SCUBE1: variants seen among roughly 807,000 people sequenced by gnomAD.
SCUBE1 encodes the protein signal peptide, CUB domain and EGF like domain containing 1.
A neutral mutation model predicts 124.4 loss-of-function variants in SCUBE1; 59 were observed. The ratio of observed to expected loss-of-function variants is 0.47; its 90% CI spans 0.38 to 0.59. SCUBE1 has a LOEUF of 0.59. Ranked by LOEUF, SCUBE1 falls within the 20% of genes least tolerant of loss-of-function variation. SCUBE1 has a pLI of 0.00. For synonymous variants in SCUBE1, 545 were observed against 550.9 expected (o/e 0.99, Z 0.15); for missense variants, 1,150 against 1,371.2 (o/e 0.84, Z 2.55).
intron 2 of SCUBE1, among the ~76,000 whole-genome samples, chr22:43,328,364 C>T (rs58017793): frequency 0.053 from 8,048 of 152,196 alleles, 698 homozygotes; most frequent in African/African-American, 0.18. Context: ...ATTCCACCCT[C>T]CTGCCAATTA....
intron 4 of SCUBE1, among the ~76,000 whole-genome samples, chr22:43,289,878 A>T (rs1423940460): frequency 6.7e-6 from 1 of 148,792 alleles, no homozygotes. Flanking sequence ...CCCATCTCTC[A>T]GCGTGAGCCC....
chr22:43,238,514 G>A (rs777555844), intron 7 of SCUBE1: 1 of 584,868 alleles, frequency 1.7e-6, no homozygotes, highest in East Asian at 2.8e-5. Flanking sequence ...GAGGGCCCAG[G>A]AAGTCCCACA....
intron 4 of SCUBE1, 143 bp from the exon 5 acceptor site, chr22:43,262,988 C>T (rs546661333): frequency 7.5e-4 from 622 of 825,052 alleles, no homozygotes; most frequent in Non-Finnish European, 1.0e-3. Flanking sequence ...CACGCACTTG[C>T]GCACACACAC....
Position 43,234,522 on chromosome 22 carries a change from G to A in SCUBE1, c.845-2647C>T, listed in dbSNP as rs1306706398. On this transcript the variant is annotated intron_variant, in intron 7 of 21. Coordinates refer to ENST00000360835, the MANE Select transcript of SCUBE1 (RefSeq NM_173050.5). The surrounding 1 kb of genome is among the most constrained non-coding windows in gnomAD (Gnocchi z 4.4). ...CTGTCATAGCAACCAGACAGGCAGA[G>A]GGAGGCATGTCTGCCTGAGGCCCGG... is the stretch of plus-strand genomic sequence containing the variant. 2.0e-5 allele frequency among the ~76,000 whole-genome samples: 3 copies of A among 152,204 alleles called. No homozygotes were observed. The highest frequency in any genetic ancestry group is 2.0e-4 in the Admixed American group (3 of 15,282).
At chr22:43,206,259 C>T (rs1289896597) in intron 21 of SCUBE1, among the ~76,000 whole-genome samples, 1 of 149,558 alleles carries the variant, frequency 6.7e-6, no homozygotes, top group Non-Finnish European at 1.5e-5. Context: ...CCCCTACATA[C>T]CCCTACATAC....
intron 11 of SCUBE1, 138 bp downstream of exon 11, chr22:43,222,959 C>T (rs918895634): frequency 1.6e-6 from 2 of 1,264,308 alleles, no homozygotes; most frequent in Non-Finnish European, 2.2e-6. Flanking sequence ...AGACAGCTGC[C>T]TTAGGGTCAC....
intron 3 of SCUBE1, among the ~76,000 whole-genome samples, chr22:43,293,051 C>A (rs1925426887): frequency 6.6e-6 from 1 of 152,320 alleles, no homozygotes; most frequent in East Asian, 1.9e-4. Flanking sequence ...CCCCTAGGGG[C>A]CCAGTGCCCA....
intron 4 of SCUBE1, among the ~76,000 whole-genome samples, chr22:43,289,979 CTTG>C (rs1464178289): frequency 6.6e-6 from 1 of 152,200 alleles, no homozygotes; most frequent in African/African-American, 2.4e-5. Context: ...GCGCCTCCTC[CTTG>C]TTAAGGGTCA....
intron 6 of SCUBE1, among the ~76,000 whole-genome samples, chr22:43,257,248 C>G (rs780077122): frequency 1.3e-5 from 2 of 152,132 alleles, no homozygotes; most frequent in South Asian, 2.1e-4. Flanking sequence ...GCTGACCAAC[C>G]CTGTCCTGTC....
At position 43,208,059 on chromosome 22, in the gene SCUBE1, C is replaced by G; in HGVS notation, c.2734+13G>C. On this transcript the variant is annotated intron_variant, in intron 20 of 21. Transcript: ENST00000360835. ...AGCCGTGCACAGTGGGCCGTGAAGA[C>G]AGTGGATCTTACCATCGTAGGTGAC... 6.2e-7 allele frequency: 1 copy of G among 1,613,968 alleles called. No homozygotes were observed. Among genetic ancestry groups the G allele is most frequent in the Non-Finnish European group, 8.5e-7 (1 of 1,179,958 alleles).
intron 21 of SCUBE1, among the ~76,000 whole-genome samples, chr22:43,205,920 A>G (rs1477849643): frequency 1.3e-5 from 1 of 78,788 alleles, no homozygotes; most frequent in African/African-American, 5.2e-5. Context: ...CCCACTCACC[A>G]CACACACCCC....
chr22:43,222,999 C>G, intron 11 of SCUBE1, 98 bp downstream of exon 11: 1 of 1,449,092 alleles, frequency 6.9e-7, no homozygotes, highest in Middle Eastern at 2.3e-4. Flanking sequence ...ATTCCTAGGT[C>G]AGACTCTTTC....
intron 4 of SCUBE1, among the ~76,000 whole-genome samples, chr22:43,277,319 G>C (rs1394819985): frequency 1.3e-5 from 2 of 152,088 alleles, no homozygotes; most frequent in African/African-American, 4.8e-5. Flanking sequence ...GTCTTGAGTG[G>C]GGAATGACAG....
intron 15 of SCUBE1, among the ~76,000 whole-genome samples, chr22:43,215,736 A>T (rs546203853): frequency 6.6e-6 from 1 of 152,264 alleles, no homozygotes; most frequent in East Asian, 1.9e-4. Context: ...AAAGGGGAGA[A>T]GCGGCTCCAG....
In SCUBE1 at chr22:43,210,594, C is replaced by A. The variant is rs567169576; in HGVS notation, c.2383+328G>T. Reference sequence around the variant, plus strand: ...CTCTCTCTAGAGGCCCTGTCAGTGCCCCTGTAGGCTGTCAGCCCCCCCAGC... The same window carrying A: ...CTCTCTCTAGAGGCCCTGTCAGTGCACCTGTAGGCTGTCAGCCCCCCCAGC... On this transcript the variant is annotated intron_variant, in intron 18 of 21. Coordinates refer to ENST00000360835, the MANE Select transcript of SCUBE1 (RefSeq NM_173050.5). This position sits in a 1 kb window ranked among gnomAD's most constrained non-coding sequence, Gnocchi z 4.5. Among the ~76,000 whole-genome samples, 3 of 152,276 alleles carry A rather than the reference C, an allele frequency of 2.0e-5. No homozygotes were observed. Among genetic ancestry groups the A allele is most frequent in the South Asian group, 4.1e-4 (2 of 4,828 alleles).
intron 2 of SCUBE1, among the ~76,000 whole-genome samples, chr22:43,322,135 C>T (rs1484977873): frequency 6.6e-6 from 1 of 152,162 alleles, no homozygotes; most frequent in Non-Finnish European, 1.5e-5. Context: ...AGGCACGTGC[C>T]ACCATGCCCG....
chr22:43,271,110 G>C (rs1431574962), intron 4 of SCUBE1, among the ~76,000 whole-genome samples: 1 of 152,202 alleles, frequency 6.6e-6, no homozygotes, highest in Admixed American at 6.5e-5. Flanking sequence ...CTAGTTACTT[G>C]AGATGCTGTT....
chr22:43,304,196 C>T (rs554523008), intron 3 of SCUBE1, among the ~76,000 whole-genome samples: 7 of 152,244 alleles, frequency 4.6e-5, no homozygotes, highest in African/African-American at 1.4e-4. Context: ...ACTCTCCTGC[C>T]GTACAGCATC....
chr22:43,339,729 C>G lies in SCUBE1; in HGVS notation c.89-494G>C, dbSNP rs1186153204. Among the ~76,000 whole-genome samples the G allele has an allele frequency of 1.4e-3, 59 of 41,704 alleles. No individual in the cohort carries two copies. In the East Asian group the frequency reaches 0.032, roughly 23 times the overall value. 27.4% of individuals were successfully genotyped at this position (41,704 alleles called of 152,430 possible). On this transcript the variant is annotated intron_variant, in intron 1 of 21. Coordinates refer to ENST00000360835, the MANE Select transcript of SCUBE1 (RefSeq NM_173050.5). The stretch of plus-strand genomic sequence containing the variant: ...ACCCTCCCCCACTCTCCTCATTCTA[C>G]CCCCCACAAGCATAGCTCCAACCCT...
Sources: allele counts gnomAD v4.1 joint callset (sites outside exome capture counted in the v4.1 genomes callset), GRCh38; gene constraint gnomAD v4.1.1; non-coding constraint Gnocchi (gnomAD v3.1); transcripts MANE v1.5; gene names NCBI Gene and HGNC (gene_info 2026-07-23, HGNC 2026-07-21).